KCNQ1: variants seen among roughly 807,000 people sequenced by gnomAD.
KCNQ1 encodes the protein potassium voltage-gated channel subfamily Q member 1.
A neutral mutation model predicts 72.4 loss-of-function variants in KCNQ1; 49 were observed. That is an observed-to-expected ratio of 0.68 (90% confidence interval 0.54 to 0.86). The LOEUF (loss-of-function observed/expected upper bound fraction) is 0.86. Among genes scored for constraint, KCNQ1 ranks in the 40% least tolerant of loss-of-function variants. KCNQ1 has a pLI of 0.00. For missense variants in KCNQ1, 790 were observed against 945.1 expected, an observed-to-expected ratio of 0.84 and a Z score of 2.15; for synonymous variants, 450 against 412.6, an observed-to-expected ratio of 1.09 and a Z score of -1.10.
chr11:2,773,920 T>C (rs558788118), intron 12 of KCNQ1, among the ~76,000 whole-genome samples: 1 of 151,738 alleles, frequency 6.6e-6, no homozygotes, highest in East Asian at 2.0e-4. Context: ...GCATCCCATC[T>C]TAAAGAAGAG....
At chr11:2,557,093 A>G (rs1848083316) in intron 2 of KCNQ1, among the ~76,000 whole-genome samples, 1 of 152,244 alleles carries the variant, frequency 6.6e-6, no homozygotes, top group Non-Finnish European at 1.5e-5. Flanking sequence ...GCAAAGCAAT[A>G]ATGGGTGGTT....
At position 2,583,384 on chromosome 11, in the gene KCNQ1, T is replaced by G. The variant is rs376287511; in HGVS notation, c.922-51T>G. 11 of 1,348,042 alleles carry G rather than the reference T, an allele frequency of 8.2e-6. No homozygotes were observed. The African/African-American group carries it at 8.6e-5, about 11-fold the overall frequency. 83.5% of individuals were successfully genotyped at this position (1,348,042 alleles called of 1,614,324 possible). On this transcript the variant is annotated intron_variant, in intron 6 of 15. Transcript: ENST00000155840. The stretch of plus-strand genomic sequence containing the variant: ...TGGGTTTGGGTTAGGCAGTTGGCCC[T>G]CCCGAGGCTCCAGTCCCATCCGTGG...
At chr11:2,758,115 GA>G (rs1484917850) in intron 11 of KCNQ1, among the ~76,000 whole-genome samples, 2 of 152,114 alleles carry the variant, frequency 1.3e-5, no homozygotes, top group African/African-American at 4.8e-5. Context: ...CAGTGAAGGG[GA>G]TAAAAATGCA....
At chr11:2,841,155 T>A (rs890724158) in intron 15 of KCNQ1, among the ~76,000 whole-genome samples, 1 of 152,014 alleles carries the variant, frequency 6.6e-6, no homozygotes, top group African/African-American at 2.4e-5. Context: ...GCCCAGGATT[T>A]TGAGCTAAGG....
intron 15 of KCNQ1, among the ~76,000 whole-genome samples, chr11:2,807,287 A>G (rs192621872): frequency 2.0e-5 from 3 of 152,246 alleles, no homozygotes; most frequent in African/African-American, 7.2e-5. Flanking sequence ...GCTGGAAGCT[A>G]ATTGGCCCGG....
chr11:2,640,380 G>A (rs1849554606), intron 10 of KCNQ1: 2 of 398,500 alleles, frequency 5.0e-6, no homozygotes, highest in Non-Finnish European at 8.8e-6. Context: ...TTAACTCCCA[G>A]GCTCAAGTCA....
In KCNQ1 at chr11:2,682,472, T is replaced by C; in HGVS notation, c.1514+20391T>C. Reference sequence around the variant, plus strand: ...CTGTCACGGACCCTCAGTGAATGTTTGACGAGTGAGTGAGTGAGTGAGTGA... The same window carrying C: ...CTGTCACGGACCCTCAGTGAATGTTCGACGAGTGAGTGAGTGAGTGAGTGA... On this transcript the variant is annotated intron_variant, in intron 11 of 15. Coordinates refer to ENST00000155840, the MANE Select transcript of KCNQ1 (RefSeq NM_000218.3). This position sits in a 1 kb window ranked among gnomAD's most constrained non-coding sequence, Gnocchi z 5.8. 1 of 318,498 alleles carries C rather than the reference T, an allele frequency of 3.1e-6. No homozygotes were observed. The highest frequency in any genetic ancestry group is 5.7e-5 in the East Asian group (1 of 17,522). 19.7% of individuals were successfully genotyped at this position (318,498 alleles called of 1,614,324 possible).
At chr11:2,502,876 A>G (rs1847040095) in intron 1 of KCNQ1, among the ~76,000 whole-genome samples, 1 of 152,174 alleles carries the variant, frequency 6.6e-6, no homozygotes, top group Non-Finnish European at 1.5e-5. Context: ...CAGCAAACAA[A>G]TCCATATGTC....
In KCNQ1 at chr11:2,602,074, G is replaced by C. The variant is rs560800809; in HGVS notation, c.1393+13220G>C. 4.1e-4 allele frequency among the ~76,000 whole-genome samples: 63 copies of C among 152,270 alleles called. No homozygotes were observed. Among genetic ancestry groups the C allele is most frequent in the Non-Finnish European group, 3.4e-4 (23 of 68,018 alleles). On this transcript the variant is annotated intron_variant, in intron 10 of 15. Transcript: ENST00000155840. This position sits in a 1 kb window ranked among gnomAD's most constrained non-coding sequence, Gnocchi z 4.8. ...GAAGAATGACTACAGAAGAGAAAAA[G>C]GGTTACGTGGCCACGGAAGCAGGGG...
At position 2,507,335 on chromosome 11, in the gene KCNQ1, G is replaced by A. The variant is rs1034236218; in HGVS notation, c.387-20593G>A. ...CCCCTCTGGCCTCTAAGTGGAGCAT[G>A]GAGTGTGGGGTCATCGGGCAGGACA... is the stretch of plus-strand genomic sequence containing the variant. On this transcript the variant is annotated intron_variant, in intron 1 of 15. Coordinates refer to ENST00000155840, the MANE Select transcript of KCNQ1 (RefSeq NM_000218.3). The surrounding 1 kb of genome is among the most constrained non-coding windows in gnomAD (Gnocchi z 5.4). Among the ~76,000 whole-genome samples, 15 of 152,190 alleles carry A rather than the reference G, an allele frequency of 9.9e-5. No individual in the cohort carries two copies. Among genetic ancestry groups the A allele is most frequent in the Admixed American group, 8.5e-4 (13 of 15,284 alleles).
rs928285744 is a variant in KCNQ1 at position 2,711,296 on chromosome 11, C to T, written c.1514+49215C>T. On this transcript the variant is annotated intron_variant, in intron 11 of 15. Coordinates refer to ENST00000155840, the MANE Select transcript of KCNQ1 (RefSeq NM_000218.3). The surrounding 1 kb of genome is among the most constrained non-coding windows in gnomAD (Gnocchi z 5.4). Reference sequence around the variant, plus strand: ...GCCCATCTCCCTTGGAGTCTCTCCCCGACTCCAGGGCTCATGGCCCCTTTC... The same window carrying T: ...GCCCATCTCCCTTGGAGTCTCTCCCTGACTCCAGGGCTCATGGCCCCTTTC... 3.9e-5 allele frequency among the ~76,000 whole-genome samples: 6 copies of T among 152,198 alleles called. No individual in the cohort carries two copies. Among genetic ancestry groups the T allele is most frequent in the South Asian group, 2.1e-4 (1 of 4,824 alleles).
At chr11:2,777,907 C>T in intron 14 of KCNQ1, 69 bp from the exon 15 acceptor site, 1 of 1,455,442 alleles carries the variant, frequency 6.9e-7, no homozygotes, top group South Asian at 1.1e-5. Context: ...ACCCCACTTC[C>T]CAAGCCCAGC....
chr11:2,546,953 A>G (rs577613918), intron 2 of KCNQ1, among the ~76,000 whole-genome samples: 81 of 152,282 alleles, frequency 5.3e-4, no homozygotes, highest in African/African-American at 1.7e-3. Flanking sequence ...CATGGTATAT[A>G]TTTTACTCAT....
At chr11:2,729,104 T>C (rs1845809878) in intron 11 of KCNQ1, among the ~76,000 whole-genome samples, 3 of 152,168 alleles carry the variant, frequency 2.0e-5, no homozygotes, top group Admixed American at 2.0e-4. Context: ...CAAAGGGCGC[T>C]CGGGCCAGGA....
At chr11:2,672,780 C>A (rs1850210032) in intron 11 of KCNQ1, 1 of 398,788 alleles carries the variant, frequency 2.5e-6, no homozygotes, top group Non-Finnish European at 4.4e-6. Context: ...CTCCCCGCAA[C>A]AGATCCAACC....
chr11:2,520,327 G>T (rs921135679), intron 1 of KCNQ1, among the ~76,000 whole-genome samples: 64 of 152,338 alleles, frequency 4.2e-4, no homozygotes, highest in African/African-American at 1.5e-3. Context: ...CGGGGAACCT[G>T]TGCCTAGTGT....
intron 12 of KCNQ1, among the ~76,000 whole-genome samples, chr11:2,770,962 G>A (rs1846587320): frequency 6.6e-6 from 1 of 152,388 alleles, no homozygotes; most frequent in Non-Finnish European, 1.5e-5. Flanking sequence ...AAGGGCCAGG[G>A]TGTGTCAGTT....
rs1275187617 is a variant in KCNQ1, at chr11:2,563,619, C to T, written c.478-7009C>T. ...AAGATTTCAGTACCAATAGCGAAGC[C>T]GTCAGTGGCAGTGACTGTGCCTTAG... On this transcript the variant is annotated intron_variant, in intron 2 of 15. Coordinates refer to ENST00000155840, the MANE Select transcript of KCNQ1 (RefSeq NM_000218.3). This position sits in a 1 kb window ranked among gnomAD's most constrained non-coding sequence, Gnocchi z 7.4. Among the ~76,000 whole-genome samples the T allele has an allele frequency of 1.3e-5, 2 of 152,230 alleles. No homozygotes were observed. Among genetic ancestry groups the T allele is most frequent in the African/African-American group, 2.4e-5 (1 of 41,462 alleles).
At position 2,784,062 on chromosome 11, in the gene KCNQ1, C is replaced by G. The variant is rs1318040944; in HGVS notation, c.1794+6025C>G. On this transcript the variant is annotated intron_variant, in intron 15 of 15. Coordinates refer to ENST00000155840, the MANE Select transcript of KCNQ1 (RefSeq NM_000218.3). The surrounding 1 kb of genome is among the most constrained non-coding windows in gnomAD (Gnocchi z 4.7). ...TTGATGTTTTATCTAAGAACTCTGCCTAATCCAAAGCCATAAACATTTTCT... is the reference window on the plus strand; with the variant it reads ...TTGATGTTTTATCTAAGAACTCTGCGTAATCCAAAGCCATAAACATTTTCT... Among the ~76,000 whole-genome samples, 1 of 151,954 alleles carries G rather than the reference C, an allele frequency of 6.6e-6. No individual in the cohort carries two copies. Among genetic ancestry groups the G allele is most frequent in the East Asian group, 1.9e-4 (1 of 5,194 alleles).
Sources: allele counts gnomAD v4.1 joint callset (sites outside exome capture counted in the v4.1 genomes callset), GRCh38; gene constraint gnomAD v4.1.1; non-coding constraint Gnocchi (gnomAD v3.1); transcripts MANE v1.5; gene names NCBI Gene and HGNC (gene_info 2026-07-23, HGNC 2026-07-21).